PAK3: variants seen among roughly 807,000 people sequenced by gnomAD.
The protein encoded by PAK3 is serine/threonine-protein kinase PAK 3.
PAK3 carries 4 observed loss-of-function variants against 41.0 expected under a neutral mutation model. The observed-to-expected ratio is 0.10, with a 90% CI of 0.05 to 0.22. The LOEUF is 0.22. Ranked by LOEUF, PAK3 falls within the 10% of genes least tolerant of loss-of-function variation. PAK3 has a pLI of 1.00. For synonymous variants in PAK3, 146 were observed against 139.6 expected, an observed-to-expected ratio of 1.05 and a Z score of -0.32; for missense variants, 205 against 409.9, an observed-to-expected ratio of 0.50 and a Z score of 4.32.
At position 111,224,788 on chromosome X, in the gene PAK3, A is replaced by C. The variant is rs1055145279; in HGVS notation, c.*4341A>C. On this transcript the variant is annotated 3_prime_UTR_variant, in exon 18 of 18. Coordinates refer to ENST00000372007, the MANE Select transcript of PAK3 (RefSeq NM_002578.5). ...ACTTTAATAATGAGGTAGTCACCTC[A>C]GATATGCTGCTTAGTTTCACTAAAA... 2.7e-5 allele frequency: 3 copies of C among 112,572 alleles called. No individual in the cohort carries two copies. The highest frequency in any genetic ancestry group is 9.7e-5 in the African/African-American group (3 of 31,032). The allele number at this position is 112,572 out of a possible 1,213,427, so 9.3% of individuals were successfully genotyped here.
In PAK3 at chrX:111,019,702, AAG is replaced by A. The variant is rs1420121500; in HGVS notation, c.-28+75076_-28+75077del. ...GAGACCCTGCCTCCAAAAAAAAAAA[AAG>A]AAAGAAAGAAAAGAAAAAGGGGGGG... On this transcript the variant is annotated intron_variant, in intron 1 of 14. Coordinates refer to the PAK3 transcript ENST00000425146. 1.7e-4 allele frequency among the ~76,000 whole-genome samples: 7 copies of A among 40,861 alleles called. 1 individual carries two copies. Among genetic ancestry groups the A allele is most frequent in the South Asian group, 3.2e-3 (2 of 623 alleles). 35.5% of individuals were successfully genotyped at this position (40,861 alleles called of 115,157 possible). A position where few individuals can be genotyped will look rare whatever the true frequency, so the allele number is the denominator to read the frequency against.
chrX:111,065,841 G>A (rs957899470), intron 1 of PAK3, among the ~76,000 whole-genome samples: 1 of 111,635 alleles, frequency 9.0e-6, no homozygotes, highest in African/African-American at 3.3e-5. Flanking sequence ...TCTAGTTTGT[G>A]TGCATATAGG....
At chrX:110,953,143 T>A (rs1484292378) in intron 1 of PAK3, among the ~76,000 whole-genome samples, 4 of 112,136 alleles carry the variant, frequency 3.6e-5, no homozygotes, top group South Asian at 3.7e-4. Flanking sequence ...CATTGTTTTT[T>A]TAACTCTGAT....
At chrX:111,068,119 A>T (rs966316780) in intron 1 of PAK3, among the ~76,000 whole-genome samples, 3 of 110,916 alleles carry the variant, frequency 2.7e-5, no homozygotes, top group Non-Finnish European at 5.7e-5. Flanking sequence ...ATTTGTGTTC[A>T]TATTTGGCTT....
rs1211484470 is a variant in PAK3 at position 111,226,602 on chromosome X, T to C, written c.*6155T>C. 1 of 112,379 alleles carries C rather than the reference T, an allele frequency of 8.9e-6. No individual in the cohort carries two copies. Among genetic ancestry groups the C allele is most frequent in the African/African-American group, 3.2e-5 (1 of 30,926 alleles). The allele number at this position is 112,379 out of a possible 1,213,427, so 9.3% of individuals were successfully genotyped here. ...TACATGCTATTAGCATTGAGAAATG[T>C]TGACAAATTAATTTGTTGGGAACCA... On this transcript the variant is annotated 3_prime_UTR_variant, in exon 18 of 18. Coordinates refer to ENST00000372007, the MANE Select transcript of PAK3 (RefSeq NM_002578.5).
chrX:111,047,004 C>G (rs7884786), intron 1 of PAK3, among the ~76,000 whole-genome samples: 1 of 111,995 alleles, frequency 8.9e-6, no homozygotes, highest in African/African-American at 3.3e-5. Context: ...GAGCTCAGTA[C>G]TCCCAGTGGA....
chrX:111,119,409 A>G (rs953628882), intron 4 of PAK3, among the ~76,000 whole-genome samples: 1 of 112,302 alleles, frequency 8.9e-6, no homozygotes, highest in Non-Finnish European at 1.9e-5. Flanking sequence ...TAAAAGAAAA[A>G]TGAATGGCCT....
At chrX:111,008,725 G>C (rs989607929) in intron 1 of PAK3, among the ~76,000 whole-genome samples, 4 of 112,364 alleles carry the variant, frequency 3.6e-5, no homozygotes, top group African/African-American at 1.3e-4. Flanking sequence ...TCCTACCTCT[G>C]GGGATTGCTG....
At chrX:111,137,606 G>A (rs1264365001) in intron 5 of PAK3, among the ~76,000 whole-genome samples, 2 of 111,584 alleles carry the variant, frequency 1.8e-5, no homozygotes, top group Non-Finnish European at 3.8e-5. Context: ...GAACATTGGG[G>A]TGGGCATATA....
At position 111,195,886 on chromosome X, in the gene PAK3, T is replaced by C. The variant is rs1476756570; in HGVS notation, c.1155T>C (p.His385=). 15 of 1,192,572 alleles carry C rather than the reference T, an allele frequency of 1.3e-5. No homozygotes were observed. The highest frequency in any genetic ancestry group is 1.6e-5 in the Non-Finnish European group (14 of 877,985). ...LDFLHSNQVI[H]RDIKSDNILL... is the part of the protein sequence containing the mutation. The stretch of plus-strand genomic sequence containing the variant: ...TCCTGCACTCAAACCAGGTGATCCA[T>C]AGAGATATAAAGAGTGACAATATTC... Residue 385 remains histidine, a synonymous_variant, in exon 15 of 18, where the codon CAT becomes CAC. Transcript: ENST00000372007.
At chrX:111,070,732 C>T (rs2092737328) in intron 1 of PAK3, among the ~76,000 whole-genome samples, 1 of 112,083 alleles carries the variant, frequency 8.9e-6, no homozygotes, top group Non-Finnish European at 1.9e-5. Context: ...ATAGGTGAGG[C>T]AACTGAGTTC....
chrX:111,186,792 T>G (rs955950471), intron 11 of PAK3, among the ~76,000 whole-genome samples: 2 of 112,058 alleles, frequency 1.8e-5, no homozygotes. Flanking sequence ...ACTTTATATT[T>G]CATATGGAAC....
At chrX:111,143,701 CA>C (rs202082617) in intron 6 of PAK3, among the ~76,000 whole-genome samples, 1,923 of 111,217 alleles carry the variant, frequency 0.017, 43 homozygotes, top group African/African-American at 0.059. Flanking sequence ...TAAAAAATTA[CA>C]AAAAGATTGT....
intron 16 of PAK3, among the ~76,000 whole-genome samples, chrX:111,204,020 G>T (rs1485486926): frequency 9.0e-6 from 1 of 111,669 alleles, no homozygotes; most frequent in Non-Finnish European, 1.9e-5. Flanking sequence ...TAAAAGGAGG[G>T]GGAAGTTGGG....
At chrX:111,199,636 G>A (rs1486443441) in intron 16 of PAK3, among the ~76,000 whole-genome samples, 1 of 111,575 alleles carries the variant, frequency 9.0e-6, no homozygotes, top group African/African-American at 3.3e-5. Flanking sequence ...AGCTTGGTGG[G>A]TATTGAGTGG....
At chrX:110,952,250 A>C (rs965592459) in intron 1 of PAK3, among the ~76,000 whole-genome samples, 14 of 111,767 alleles carry the variant, frequency 1.3e-4, no homozygotes, top group African/African-American at 4.6e-4. Flanking sequence ...AGAAGATGGA[A>C]GTCTGAGTGG....
rs1305153207 is a variant in PAK3, at chrX:111,175,303, A to G, written c.830+2222A>G. ...TCCAAATGGAAATGTACTTAAGTAT[A>G]AAAGGCACACCTGATTTCAAAACCT... is the stretch of plus-strand genomic sequence containing the variant. On this transcript the variant is annotated intron_variant, in intron 11 of 17. Transcript: ENST00000372007. 4.5e-5 allele frequency among the ~76,000 whole-genome samples: 5 copies of G among 111,915 alleles called. No individual in the cohort carries two copies. In the East Asian group the frequency reaches 1.1e-3, roughly 25 times the overall value.
chrX:110,985,849 G>A (rs2091532976), intron 1 of PAK3, among the ~76,000 whole-genome samples: 1 of 111,832 alleles, frequency 8.9e-6, no homozygotes, highest in Non-Finnish European at 1.9e-5. Flanking sequence ...CAGGCAGTTC[G>A]ATTCAAAGCT....
intron 12 of PAK3, 44 bp downstream of exon 12, chrX:111,192,219 A>G (rs2094566722): frequency 1.2e-6 from 1 of 839,602 alleles, no homozygotes; most frequent in South Asian, 2.1e-5. Flanking sequence ...TCTTTTATTC[A>G]TATTTAACAG....
Sources: gnomAD v4.1 joint callset for allele counts (sites outside exome capture counted in the v4.1 genomes callset) on GRCh38, gnomAD v4.1.1 for gene constraint, MANE v1.5 for transcripts, NCBI Gene and HGNC (gene_info 2026-07-23, HGNC 2026-07-21) for gene names.